The following CTR9 variants were observed in gnomAD, a reference collection of about 807,000 sequenced individuals.
CTR9 encodes the protein CTR9 component of Paf1/RNA polymerase II complex, also known as RNA polymerase-associated protein CTR9 homolog.
CTR9 carries 41 observed loss-of-function variants against 152.1 expected under a neutral mutation model. The ratio of observed to expected loss-of-function variants is 0.27; its 90% CI spans 0.21 to 0.35. CTR9 has a LOEUF of 0.35. Among genes scored for constraint, CTR9 ranks in the 10% least tolerant of loss-of-function variants. The probability of loss-of-function intolerance (pLI) is 1.00; values close to 1 mark genes in which losing one functional copy is unlikely to be tolerated. For missense variants in CTR9, 917 were observed against 1,424.4 expected (o/e 0.64, Z 5.73); for synonymous variants, 476 against 496.2 (o/e 0.96, Z 0.54).
At chr11:10,761,374 T>TGAGTG (rs377279045) in intron 6 of CTR9, among the ~76,000 whole-genome samples, 1 of 152,116 alleles carries the variant, frequency 6.6e-6, no homozygotes, top group Admixed American at 6.5e-5. Flanking sequence ...GTTAGCAGGA[T>TGAGTG]GTTACCAACC....
chr11:10,770,115 T>C, intron 16 of CTR9, 95 bp from the exon 17 acceptor site: 2 of 834,552 alleles, frequency 2.4e-6, no homozygotes, highest in Non-Finnish European at 3.7e-6. Flanking sequence ...AACACCTTTT[T>C]ACAGAGCTTT....
At chr11:10,768,301 CA>C in intron 15 of CTR9, 41 bp from the exon 16 acceptor site, 2 of 1,586,682 alleles carry the variant, frequency 1.3e-6, no homozygotes, top group Non-Finnish European at 1.7e-6. Context: ...TTTCTGACTC[CA>C]ATTAGAAAAT....
Position 10,774,032 on chromosome 11 carries a change from G to A in CTR9, c.2748G>A (p.Glu916=). Residue 916 remains glutamate, a synonymous_variant, in exon 22 of 25, where the codon GAG becomes GAA. Coordinates refer to ENST00000361367, the MANE Select transcript of CTR9 (RefSeq NM_014633.5). ...TTTAGCGTTCTAAGAAGGGAGGAGAGTTTGATGAATTTGTCAATGATGACA... is the reference window on the plus strand; with the variant it reads ...TTTAGCGTTCTAAGAAGGGAGGAGAATTTGATGAATTTGTCAATGATGACA... ...GGGRRSKKGG[E]FDEFVNDDTD... 1.2e-6 allele frequency: 2 copies of A among 1,612,178 alleles called. No individual in the cohort carries two copies. Among genetic ancestry groups the A allele is most frequent in the South Asian group, 1.1e-5 (1 of 90,596 alleles).
chr11:10,778,941 G>T lies in CTR9; in HGVS notation c.3358G>T (p.Asp1120Tyr), dbSNP rs752994293. Residue 1120 changes from aspartate (D) to tyrosine (Y), a missense_variant, in exon 25 of 25, where the codon GAC (aspartate) becomes TAC (tyrosine). Asp to Tyr is a radical substitution (Grantham distance 160). Coordinates refer to ENST00000361367, the MANE Select transcript of CTR9 (RefSeq NM_014633.5). ...AAGCCACTCAGGAGTTTCTGAGAAC[G>T]ACTCTCGCCCAGCTTCTCCAAGTGC... ...GRSHSGVSEN[D>Y]SRPASPSAES... The T allele has an allele frequency of 6.2e-7, 1 of 1,614,118 alleles. No homozygotes were observed. The highest frequency in any genetic ancestry group is 8.5e-7 in the Non-Finnish European group (1 of 1,180,022).
At chr11:10,770,410 C>T in intron 17 of CTR9, 77 bp from the exon 18 acceptor site, 1 of 1,574,380 alleles carries the variant, frequency 6.4e-7, no homozygotes, top group Non-Finnish European at 8.7e-7. Flanking sequence ...CACATACCTA[C>T]TACTTAATAA....
chr11:10,764,598 T>C lies in CTR9; in HGVS notation c.1464T>C (p.Asp488=), dbSNP rs1253524693. 3 of 1,612,784 alleles carry C rather than the reference T, an allele frequency of 1.9e-6. No individual in the cohort carries two copies. Among genetic ancestry groups the C allele is most frequent in the Non-Finnish European group, 2.5e-6 (3 of 1,179,070 alleles). Residue 488 remains aspartate, a synonymous_variant, in exon 12 of 25, where the codon GAT becomes GAC. Coordinates refer to ENST00000361367, the MANE Select transcript of CTR9 (RefSeq NM_014633.5). ...LDRAKAEAEH[D]EHYYNAISVT... ...GTGCAAAAGCAGAAGCGGAACACGA[T>C]GAGCATTACTATAACGCCATTTCCG...
intron 7 of CTR9, among the ~76,000 whole-genome samples, chr11:10,763,151 G>C (rs1863003943): frequency 6.7e-6 from 1 of 148,212 alleles, no homozygotes; most frequent in Non-Finnish European, 1.5e-5. Flanking sequence ...ACTATGAAAG[G>C]GGAGTATGTT....
chr11:10,760,372 A>T (rs1862957800), intron 6 of CTR9, 51 bp downstream of exon 6: 1 of 1,544,692 alleles, frequency 6.5e-7, no homozygotes, highest in African/African-American at 1.4e-5. Flanking sequence ...TCAGGCCCAC[A>T]GCCTCTTATC....
intron 16 of CTR9, among the ~76,000 whole-genome samples, chr11:10,768,784 T>C (rs974267356): frequency 6.6e-6 from 1 of 152,234 alleles, no homozygotes; most frequent in Admixed American, 6.5e-5. Flanking sequence ...TTTGTGAGGA[T>C]CCCGTATGAA....
chr11:10,766,246 G>A lies in CTR9; in HGVS notation c.1598-156G>A, dbSNP rs1430069032. The A allele has an allele frequency of 9.6e-6, 6 of 623,048 alleles. No individual in the cohort carries two copies. The East Asian group carries it at 1.7e-4, about 18-fold the overall frequency. The allele number at this position is 623,048 out of a possible 1,614,324, so 38.6% of individuals were successfully genotyped here. A position where few individuals can be genotyped will look rare whatever the true frequency, so the allele number is the denominator to read the frequency against. Reference sequence around the variant, plus strand: ...TGGTGACAAAATTATTCTTTAACTTGTTGGATGGATGATTGATATTTTTTC... The same window carrying A: ...TGGTGACAAAATTATTCTTTAACTTATTGGATGGATGATTGATATTTTTTC... On this transcript the variant is annotated intron_variant, in intron 12 of 24. Transcript: ENST00000361367.
chr11:10,753,657 C>T (rs922876302), intron 2 of CTR9, among the ~76,000 whole-genome samples: 14 of 149,032 alleles, frequency 9.4e-5, no homozygotes, highest in Non-Finnish European at 1.5e-5. Context: ...TTTTTTAAAA[C>T]CAGATGGTAA....
intron 15 of CTR9, 75 bp downstream of exon 15, chr11:10,768,236 AT>A: frequency 1.3e-6 from 2 of 1,575,826 alleles, no homozygotes; most frequent in Non-Finnish European, 1.7e-6. Context: ...GTAAATCAGA[AT>A]TTTTCTTAAA....
chr11:10,753,125 TAAC>T (rs1031755861), intron 2 of CTR9, among the ~76,000 whole-genome samples: 8 of 152,192 alleles, frequency 5.3e-5, no homozygotes, highest in Non-Finnish European at 1.0e-4. Context: ...TTGTTTCCTA[TAAC>T]AACAAAACAC....
chr11:10,770,168 A>G, intron 16 of CTR9, 42 bp from the exon 17 acceptor site: 1 of 1,385,686 alleles, frequency 7.2e-7, no homozygotes, highest in Non-Finnish European at 1.0e-6. Flanking sequence ...AATGTCATTT[A>G]TTCTTTGTTG....
chr11:10,775,486 G>A (rs753473645), intron 23 of CTR9, 35 bp from the exon 24 acceptor site: 109 of 1,557,684 alleles, frequency 7.0e-5, no homozygotes, highest in African/African-American at 1.1e-4. Context: ...TAATGTAAGA[G>A]TCTTGACTAA....
chr11:10,764,002 A>G (rs1293709758), intron 9 of CTR9, 110 bp from the exon 10 acceptor site: 1 of 1,343,220 alleles, frequency 7.4e-7, no homozygotes, highest in Non-Finnish European at 1.0e-6. Flanking sequence ...AGCTTGTTCC[A>G]GTTTAGATAA....
chr11:10,777,419 T>C (rs1490791250), intron 24 of CTR9, among the ~76,000 whole-genome samples: 1 of 151,894 alleles, frequency 6.6e-6, no homozygotes, highest in Non-Finnish European at 1.5e-5. Flanking sequence ...CAAAAAAAGA[T>C]TTGCAGTTCC....
Position 10,752,784 on chromosome 11 carries a change from T to G in CTR9, c.144+14T>G. ...ATTGCTTTGGCGGTCAGTATTCATG[T>G]AGCAAATATTTTTTATTTGTTGACT... On this transcript the variant is annotated intron_variant, in intron 2 of 24. Transcript: ENST00000361367. 2 of 1,594,446 alleles carry G rather than the reference T, an allele frequency of 1.3e-6. No individual in the cohort carries two copies. The highest frequency in any genetic ancestry group is 2.7e-5 in the African/African-American group (2 of 74,568).
intron 1 of CTR9, among the ~76,000 whole-genome samples, chr11:10,751,934 A>G (rs1212583717): frequency 1.3e-5 from 2 of 151,698 alleles, no homozygotes; most frequent in African/African-American, 2.4e-5. Flanking sequence ...CTCTACACCA[A>G]CTCTCCTTCA....
Sources: allele counts gnomAD v4.1 joint callset (sites outside exome capture counted in the v4.1 genomes callset), GRCh38; gene constraint gnomAD v4.1.1; transcripts MANE v1.5; gene names NCBI Gene and HGNC (gene_info 2026-07-23, HGNC 2026-07-21).